Variants in RP1 observed in about 807,000 individuals in gnomAD.
RP1 encodes the protein RP1 axonemal microtubule associated, also known as oxygen-regulated protein 1.
Under a neutral mutation model 14.8 loss-of-function variants are expected in RP1, and 16 were observed. The observed-to-expected ratio is 1.08, with a 90% CI of 0.73 to 1.65. The LOEUF (loss-of-function observed/expected upper bound fraction) is 1.65, where lower values mean the gene tolerates loss of function less well. RP1 is among the 40% of genes most tolerant of loss of function. The probability of loss-of-function intolerance (pLI) is 0.00; values close to 1 mark genes in which losing one functional copy is unlikely to be tolerated. For missense variants in RP1, 2,631 were observed against 2,535.0 expected (o/e 1.04, Z -0.81); for synonymous variants, 876 against 883.6 (o/e 0.99, Z 0.15).
At chr8:54,579,884 T>G (rs145038812) in intron 1 of RP1, among the ~76,000 whole-genome samples, 125 of 152,300 alleles carry the variant, frequency 8.2e-4, no homozygotes, top group African/African-American at 2.8e-3. Context: ...CACCAACTTC[T>G]CTCCAGGACT....
Position 54,626,498 on chromosome 8 carries a change from T to TA in RP1, c.2619dup (p.Gly874ArgfsTer3). ...TAACTTTAAAAAGCCAGAAAAAACG[T>TA]AAAGGGGATAAAGTGAAAGCAAGTG... On this transcript the variant is annotated frameshift_variant, in exon 4 of 4. Transcript: ENST00000220676. LOFTEE classifies it low-confidence loss of function (END_TRUNC). The TA allele has an allele frequency of 1.2e-6, 2 of 1,613,690 alleles. No individual in the cohort carries two copies. Among genetic ancestry groups the TA allele is most frequent in the South Asian group, 2.2e-5 (2 of 91,072 alleles).
exon 29 of RP1, chr8:54,870,059 G>A: frequency 2.3e-6 from 1 of 444,412 alleles, no homozygotes; most frequent in Non-Finnish European, 3.7e-6. Context: ...GTCAGTTTGT[G>A]TTGGACCCAC....
chr8:54,654,024 G>A (rs111431319), intron 5 of RP1, among the ~76,000 whole-genome samples: 5 of 152,216 alleles, frequency 3.3e-5, no homozygotes, highest in African/African-American at 1.2e-4. Context: ...AATTTCTATT[G>A]TCTTTCTCTC....
chr8:54,673,556 A>G (rs1807226082), intron 7 of RP1, among the ~76,000 whole-genome samples: 2 of 152,162 alleles, frequency 1.3e-5, no homozygotes, highest in African/African-American at 4.8e-5. Flanking sequence ...CCTGGGCAAC[A>G]TAGCCAAACC....
chr8:54,583,966 G>A (rs1338937882), intron 1 of RP1, among the ~76,000 whole-genome samples: 1 of 151,936 alleles, frequency 6.6e-6, no homozygotes, highest in Non-Finnish European at 1.5e-5. Context: ...TGGATTCATT[G>A]ATTTTTTGAA....
At chr8:54,726,989 C>A (rs1466620932) in intron 17 of RP1, among the ~76,000 whole-genome samples, 2 of 152,104 alleles carry the variant, frequency 1.3e-5, no homozygotes, top group East Asian at 3.9e-4. Context: ...TATATGATAT[C>A]TGACAAATTC....
At chr8:54,813,375 C>T (rs1332511849) in intron 24 of RP1, among the ~76,000 whole-genome samples, 2 of 152,186 alleles carry the variant, frequency 1.3e-5, no homozygotes, top group Non-Finnish European at 2.9e-5. Context: ...CTCCTCAGTG[C>T]TTTGCCTCAA....
intron 1 of RP1, among the ~76,000 whole-genome samples, chr8:54,608,013 C>T (rs915364311): frequency 1.3e-5 from 2 of 152,022 alleles, no homozygotes; most frequent in Non-Finnish European, 2.9e-5. Context: ...ATGCCTCACC[C>T]TGCTTCGGCT....
chr8:54,699,275 G>T (rs902305319), intron 12 of RP1, among the ~76,000 whole-genome samples: 2 of 151,908 alleles, frequency 1.3e-5, no homozygotes, highest in East Asian at 3.9e-4. Flanking sequence ...CATACATATA[G>T]ATGAGAAAAG....
downstream of RP1, among the ~76,000 whole-genome samples, chr8:54,633,737 C>CTCTCTCTATATA (rs1236298691): frequency 1.3e-3 from 158 of 118,786 alleles, no homozygotes; most frequent in African/African-American, 3.4e-3. Context: ...CTCTCTCTCT[C>CTCTCTCTATATA]TATATATATA....
chr8:54,754,889 T>A, exon 20 of RP1: 3 of 1,527,698 alleles, frequency 2.0e-6, no homozygotes, highest in Non-Finnish European at 2.6e-6. Context: ...ATGGGGATGT[T>A]GTCTGTGAGC....
intron 3 of RP1, among the ~76,000 whole-genome samples, chr8:54,643,304 A>T (rs981223926): frequency 1.4e-4 from 22 of 152,198 alleles, no homozygotes; most frequent in Non-Finnish European, 2.1e-4. Flanking sequence ...TACCATCTCA[A>T]TCAAGATACA....
chr8:54,748,375 G>A (rs1221700195), intron 19 of RP1, among the ~76,000 whole-genome samples: 1 of 152,138 alleles, frequency 6.6e-6, no homozygotes, highest in Non-Finnish European at 1.5e-5. Context: ...AAAATCTCCA[G>A]GCAAATGTTT....
upstream of RP1, among the ~76,000 whole-genome samples, chr8:54,611,693 C>T (rs1374208003): frequency 6.6e-6 from 1 of 152,094 alleles, no homozygotes; most frequent in African/African-American, 2.4e-5. Flanking sequence ...CATCTGGCTT[C>T]CTCAGGGACA....
downstream of RP1, among the ~76,000 whole-genome samples, chr8:54,771,556 C>G (rs1498186): frequency 0.77 from 116,375 of 151,576 alleles, 45,100 homozygotes; most frequent in African/African-American, 0.87. Flanking sequence ...TAAAATGCTT[C>G]CTTCTAATTA....
intron 3 of RP1, among the ~76,000 whole-genome samples, chr8:54,646,588 G>A (rs142494072): frequency 2.6e-5 from 4 of 152,226 alleles, no homozygotes; most frequent in South Asian, 2.1e-4. Flanking sequence ...ATGAATCTTC[G>A]TTCATGATCT....
At chr8:54,794,649 C>G (rs973796894) in intron 24 of RP1, among the ~76,000 whole-genome samples, 1 of 151,988 alleles carries the variant, frequency 6.6e-6, no homozygotes, top group African/African-American at 2.4e-5. Context: ...GCAAAACCCA[C>G]TTTTCCCTAT....
chr8:54,722,127 C>G (rs1808549676), intron 16 of RP1, among the ~76,000 whole-genome samples: 1 of 151,358 alleles, frequency 6.6e-6, no homozygotes, highest in Non-Finnish European at 1.5e-5. Flanking sequence ...CCTGTAATCC[C>G]AGCTACTGGG....
intron 24 of RP1, among the ~76,000 whole-genome samples, chr8:54,808,266 G>A (rs895675101): frequency 2.0e-5 from 3 of 152,176 alleles, no homozygotes; most frequent in African/African-American, 7.2e-5. Flanking sequence ...ACTGCATGGA[G>A]GCCCACTGCC....
Sources: gnomAD v4.1 joint callset for allele counts (sites outside exome capture counted in the v4.1 genomes callset) on GRCh38, gnomAD v4.1.1 for gene constraint, MANE v1.5 for transcripts, NCBI Gene and HGNC (gene_info 2026-07-23, HGNC 2026-07-21) for gene names.